Variants in NREP observed in about 807,000 individuals in gnomAD.
NREP encodes the protein neuronal regeneration related protein, also known as neuronal regeneration-related protein.
In NREP, 5 loss-of-function variants were observed where a neutral mutation model predicts 8.6. The observed-to-expected ratio is 0.58, with a 90% CI of 0.30 to 1.22. The LOEUF is 1.22. Ranked by LOEUF, NREP falls within the 50% of genes most tolerant of loss-of-function variation. NREP has a pLI of 0.07. For missense variants in NREP, 86 were observed against 82.5 expected (o/e 1.04, Z -0.17); for synonymous variants, 27 against 28.0 (o/e 0.96, Z 0.11).
At chr5:111,826,714 C>T (rs1752637024) in intron 2 of NREP, among the ~76,000 whole-genome samples, 3 of 152,248 alleles carry the variant, frequency 2.0e-5, no homozygotes, top group South Asian at 4.2e-4. Context: ...TTTGTATTTT[C>T]GGTAGAGACG....
chr5:111,828,133 C>T (rs543184737), intron 2 of NREP, among the ~76,000 whole-genome samples: 8 of 151,862 alleles, frequency 5.3e-5, no homozygotes, highest in Non-Finnish European at 1.2e-4. Context: ...CAGGTTCAAG[C>T]GATTCTTCTG....
In NREP at chr5:111,755,839, T is replaced by C. The variant is rs1463248240; in HGVS notation, c.-58-9A>G. On this transcript the variant is annotated splice_polypyrimidine_tract_variant and intron_variant, in intron 1 of 3. Coordinates refer to ENST00000257435, the MANE Select transcript of NREP (RefSeq NM_004772.4). ...AGTCCAGGGAGACCAACCTGCAAAA[T>C]ATGTTTAAATACAGTAGACACATCG... 7 of 1,613,388 alleles carry C rather than the reference T, an allele frequency of 4.3e-6. No homozygotes were observed. The East Asian group carries it at 1.3e-4, about 31-fold the overall frequency.
intron 2 of NREP, among the ~76,000 whole-genome samples, chr5:111,885,392 C>T (rs996051522): frequency 8.6e-5 from 13 of 151,588 alleles, no homozygotes; most frequent in Non-Finnish European, 1.8e-4. Context: ...TGAAAATGGC[C>T]ATACTGCCCA....
At chr5:111,935,021 T>C (rs1339842716) in intron 2 of NREP, among the ~76,000 whole-genome samples, 1 of 152,086 alleles carries the variant, frequency 6.6e-6, no homozygotes, top group Non-Finnish European at 1.5e-5. Context: ...GGAAGGGCCA[T>C]CAGGGAAAGA....
chr5:111,792,561 C>T (rs937768792), intron 2 of NREP, among the ~76,000 whole-genome samples: 1 of 152,144 alleles, frequency 6.6e-6, no homozygotes, highest in Non-Finnish European at 1.5e-5. Flanking sequence ...TTTCCTTTTA[C>T]AGGACCCATG....
intron 2 of NREP, among the ~76,000 whole-genome samples, chr5:111,975,053 A>G (rs928298356): frequency 6.6e-6 from 1 of 152,362 alleles, no homozygotes; most frequent in African/African-American, 2.4e-5. Context: ...GCACTTCCAC[A>G]GGGAATGAAG....
intron 2 of NREP, among the ~76,000 whole-genome samples, chr5:111,836,731 T>G (rs1290537512): frequency 6.6e-6 from 1 of 152,000 alleles, no homozygotes; most frequent in Non-Finnish European, 1.5e-5. Context: ...TCCTATAGGC[T>G]GAGACAAGGA....
chr5:111,741,993 CCTT>C (rs1749710141), intron 2 of NREP, among the ~76,000 whole-genome samples: 1 of 151,902 alleles, frequency 6.6e-6, no homozygotes, highest in African/African-American at 2.4e-5. Flanking sequence ...TGCTGACACT[CCTT>C]GAGTTTCATT....
chr5:111,759,307 A>G (rs78958114), upstream of NREP, among the ~76,000 whole-genome samples: 6,596 of 152,328 alleles, frequency 0.043, 160 homozygotes, highest in African/African-American at 0.063. Flanking sequence ...AGCTGCTTCT[A>G]CAAGGAAACA....
chr5:111,798,736 T>A (rs59288363), intron 2 of NREP, among the ~76,000 whole-genome samples: 2 of 7,294 alleles, frequency 2.7e-4, no homozygotes, highest in Middle Eastern at 0.1. Flanking sequence ...TATTCCATGG[T>A]GTGTGTGTGT....
intron 2 of NREP, among the ~76,000 whole-genome samples, chr5:111,885,691 TGA>T (rs1235238609): frequency 6.6e-6 from 1 of 152,190 alleles, no homozygotes; most frequent in African/African-American, 2.4e-5. Flanking sequence ...ATCTGATCTT[TGA>T]CAAACCTGAC....
intron 2 of NREP, among the ~76,000 whole-genome samples, chr5:111,844,717 A>G (rs1029699237): frequency 1.4e-5 from 2 of 148,000 alleles, no homozygotes; most frequent in South Asian, 4.2e-4. Context: ...AGCCATTGAA[A>G]AATATATTCT....
intron 2 of NREP, among the ~76,000 whole-genome samples, chr5:111,779,581 A>G (rs932081036): frequency 6.6e-6 from 1 of 152,198 alleles, no homozygotes; most frequent in Non-Finnish European, 1.5e-5. Context: ...TCTCCAAGAA[A>G]GGGGGTAAGG....
At chr5:111,976,885 A>G (rs1399460463) in exon 1 of NREP, 3 of 615,440 alleles carry the variant, frequency 4.9e-6, no homozygotes, top group Non-Finnish European at 8.7e-6. Context: ...GCATGATTGC[A>G]CTGCCTGGAA....
At chr5:111,791,100 A>C (rs1581120462) in intron 2 of NREP, among the ~76,000 whole-genome samples, 1 of 152,362 alleles carries the variant, frequency 6.6e-6, no homozygotes, top group South Asian at 2.1e-4. Flanking sequence ...TGTAATTGAC[A>C]AATGAACATT....
At chr5:111,841,607 C>A (rs1753032079) in intron 2 of NREP, among the ~76,000 whole-genome samples, 1 of 151,992 alleles carries the variant, frequency 6.6e-6, no homozygotes, top group South Asian at 2.1e-4. Context: ...TTTTAAAAAG[C>A]CTTAAATTCT....
At chr5:111,851,588 A>G (rs1321291950) in intron 2 of NREP, among the ~76,000 whole-genome samples, 1 of 152,142 alleles carries the variant, frequency 6.6e-6, no homozygotes, top group African/African-American at 2.4e-5. Context: ...TATTACTGCA[A>G]TTAACGTGAA....
intron 2 of NREP, among the ~76,000 whole-genome samples, chr5:111,773,308 A>T (rs1483528537): frequency 6.6e-6 from 1 of 152,152 alleles, no homozygotes; most frequent in African/African-American, 2.4e-5. Context: ...ATACATAAAA[A>T]CTAATAAACA....
intron 2 of NREP, among the ~76,000 whole-genome samples, chr5:111,948,199 G>T (rs1397830034): frequency 6.6e-5 from 10 of 152,042 alleles, no homozygotes; most frequent in Admixed American, 6.6e-4. Flanking sequence ...CATCTTTCCT[G>T]TAATGCTATT....
Sources: gnomAD v4.1 joint callset for allele counts (sites outside exome capture counted in the v4.1 genomes callset) on GRCh38, gnomAD v4.1.1 for gene constraint, MANE v1.5 for transcripts, NCBI Gene and HGNC (gene_info 2026-07-23, HGNC 2026-07-21) for gene names.